The following BAZ1B variants were observed in gnomAD, a reference collection of about 807,000 sequenced individuals.
BAZ1B encodes bromodomain adjacent to zinc finger domain 1B.
A neutral mutation model predicts 153.8 loss-of-function variants in BAZ1B; 22 were observed. That is an observed-to-expected ratio of 0.14 (90% CI 0.10 to 0.20). The LOEUF (loss-of-function observed/expected upper bound fraction) is 0.20, where lower values mean the gene tolerates loss of function less well. BAZ1B is among the 10% of genes least tolerant of loss of function. BAZ1B has a pLI of 1.00. For missense variants in BAZ1B, 1,325 were observed against 1,799.3 expected, an observed-to-expected ratio of 0.74 and a Z score of 4.77; for synonymous variants, 676 against 633.4, an observed-to-expected ratio of 1.07 and a Z score of -1.01.
intron 4 of BAZ1B, among the ~76,000 whole-genome samples, chr7:73,494,385 AAAG>A (rs1425473801): frequency 2.6e-5 from 4 of 152,166 alleles, no homozygotes; most frequent in African/African-American, 9.7e-5. Flanking sequence ...TCTGTCTCAA[AAAG>A]AAGACGAACA....
At chr7:73,465,352 T>TA in intron 11 of BAZ1B, 87 bp downstream of exon 11, 2 of 886,448 alleles carry the variant, frequency 2.3e-6, no homozygotes, top group Non-Finnish European at 3.4e-6. Flanking sequence ...TTTAGTAACT[T>TA]AAATGGATAA....
intron 3 of BAZ1B, among the ~76,000 whole-genome samples, chr7:73,499,484 C>T (rs1554576818): frequency 1.3e-5 from 2 of 152,172 alleles, no homozygotes; most frequent in African/African-American, 4.8e-5. Flanking sequence ...CCATGCCCGG[C>T]CAGACCCAGG....
At chr7:73,508,133 C>T (rs1554578068) in intron 3 of BAZ1B, among the ~76,000 whole-genome samples, 194 bp downstream of exon 3, 1 of 151,988 alleles carries the variant, frequency 6.6e-6, no homozygotes, top group Non-Finnish European at 1.5e-5. Flanking sequence ...CCAGCCTTGG[C>T]GACAGAGTGA....
chr7:73,488,731 C>CA (rs1226604385), intron 6 of BAZ1B, among the ~76,000 whole-genome samples: 2 of 142,576 alleles, frequency 1.4e-5, no homozygotes, highest in African/African-American at 2.6e-5. Context: ...AAAAAAAAAA[C>CA]AAAAAAAACT....
chr7:73,476,988 C>CAAA lies in BAZ1B; in HGVS notation c.2472_2473insTTT (p.Ile824_Val825insPhe). On this transcript the variant is annotated inframe_insertion, in exon 7 of 20. Coordinates refer to ENST00000339594, the MANE Select transcript of BAZ1B (RefSeq NM_032408.4). Reference sequence around the variant, plus strand: ...GTATCTACTTGGGGCTCAAACTTCACAATTTCTTTTTTCCTATCAGTTTTG... The same window carrying CAAA: ...GTATCTACTTGGGGCTCAAACTTCACAAAAATTTCTTTTTTCCTATCAGTTTTG... The CAAA allele has an allele frequency of 6.2e-7, 1 of 1,614,200 alleles. No homozygotes were observed. Among genetic ancestry groups the CAAA allele is most frequent in the Middle Eastern group, 1.7e-4 (1 of 6,060 alleles).
chr7:73,482,315 T>C (rs782804620), intron 6 of BAZ1B, among the ~76,000 whole-genome samples: 3 of 152,154 alleles, frequency 2.0e-5, no homozygotes, highest in Admixed American at 6.6e-5. Context: ...AAAGAGAATA[T>C]GGCAGAGACC....
chr7:73,466,858 C>G (rs1022281806), intron 9 of BAZ1B, among the ~76,000 whole-genome samples: 11 of 152,184 alleles, frequency 7.2e-5, no homozygotes, highest in South Asian at 2.1e-4. Context: ...TGATACGTGA[C>G]TTTAACATAG....
chr7:73,500,937 C>T (rs527885591), intron 3 of BAZ1B, among the ~76,000 whole-genome samples: 1 of 150,114 alleles, frequency 6.7e-6, no homozygotes, highest in East Asian at 2.0e-4. Context: ...CAAAGCAACC[C>T]TTATGATAAA....
At chr7:73,447,712 A>C (rs1554566964) in intron 15 of BAZ1B, among the ~76,000 whole-genome samples, 1 of 152,232 alleles carries the variant, frequency 6.6e-6, no homozygotes, top group African/African-American at 2.4e-5. Context: ...TCACAAAAAG[A>C]GCCAGATAAT....
intron 9 of BAZ1B, among the ~76,000 whole-genome samples, chr7:73,468,489 C>CGTTA (rs1202287701): frequency 6.6e-6 from 1 of 152,004 alleles, no homozygotes; most frequent in East Asian, 1.9e-4. Context: ...CTAACCTAAC[C>CGTTA]ATCTTATTTT....
rs182603918 is a variant in BAZ1B, at chr7:73,463,393, C to T, written c.3072-294G>A. Among the ~76,000 whole-genome samples, 4 of 151,930 alleles carry T rather than the reference C, an allele frequency of 2.6e-5. No homozygotes were observed. The East Asian group carries it at 7.8e-4, about 29-fold the overall frequency. On this transcript the variant is annotated intron_variant, in intron 11 of 19. Transcript: ENST00000339594. ...CAGCTGGGACTACAGGAATACCCCT[C>T]CACACCTGGCTATATTTTTAATTTT... is the stretch of plus-strand genomic sequence containing the variant.
In BAZ1B at chr7:73,477,724, C is replaced by T; in HGVS notation, c.1737G>A (p.Arg579=). 6.2e-7 allele frequency: 1 copy of T among 1,614,184 alleles called. No individual in the cohort carries two copies. The highest frequency in any genetic ancestry group is 8.5e-7 in the Non-Finnish European group (1 of 1,180,040). The change falls in exon 7 of 20, where the codon CGG becomes CGA. Residue 579 remains arginine (R), a synonymous_variant. Coordinates refer to ENST00000339594, the MANE Select transcript of BAZ1B (RefSeq NM_032408.4). The surrounding 1 kb of genome is among the most constrained non-coding windows in gnomAD (Gnocchi z 5.6). ...TGCCAGTTAACTCTTGGTCCTCATA[C>T]CGCTTCTGTTTTTCTAATCTCTCAA... ...EMLERLEKQK[R]YEDQELTGKN...
In BAZ1B at chr7:73,449,685, C is replaced by T. The variant is rs782765984; in HGVS notation, c.3585G>A (p.Glu1195=). ...ARCKVCRKKG[E]DDKLILCDEC... is the part of the protein sequence containing the mutation. ...CATCACACAAGATCAATTTGTCATC[C>T]TCACCTGCAGAGAGATAAATGTGAA... The change falls in exon 15 of 20, where the codon GAG becomes GAA. Residue 1195 remains glutamate, a synonymous_variant. Coordinates refer to ENST00000339594, the MANE Select transcript of BAZ1B (RefSeq NM_032408.4). 4.3e-6 allele frequency: 7 copies of T among 1,613,760 alleles called. No homozygotes were observed. The highest frequency in any genetic ancestry group is 5.9e-6 in the Non-Finnish European group (7 of 1,179,942).
At chr7:73,466,513 C>A in intron 9 of BAZ1B, 112 bp from the exon 10 acceptor site, 1 of 650,080 alleles carries the variant, frequency 1.5e-6, no homozygotes, top group South Asian at 1.9e-5. Context: ...CAGATACTTC[C>A]TGTGAAATAT....
At chr7:73,514,377 C>T (rs2115592312) in intron 1 of BAZ1B, among the ~76,000 whole-genome samples, 2 of 151,984 alleles carry the variant, frequency 1.3e-5, no homozygotes, top group East Asian at 3.9e-4. Flanking sequence ...ACTAAAAATA[C>T]AAAAAATTAG....
At chr7:73,510,947 C>A in intron 1 of BAZ1B, 95 bp from the exon 2 acceptor site, 1 of 1,022,294 alleles carries the variant, frequency 9.8e-7, no homozygotes, top group Non-Finnish European at 1.5e-6. Context: ...ATCTAGTCTC[C>A]TTTTTAAAAT....
intron 3 of BAZ1B, among the ~76,000 whole-genome samples, chr7:73,505,591 A>C (rs2116438133): frequency 6.6e-6 from 1 of 152,234 alleles, no homozygotes; most frequent in East Asian, 1.9e-4. Flanking sequence ...GAACAGTTCA[A>C]GCATGATGGA....
Position 73,469,557 on chromosome 7 carries a change from T to C in BAZ1B, c.2826A>G (p.Lys942=). Residue 942 remains lysine, a synonymous_variant, in exon 9 of 20, where the codon AAA becomes AAG. Transcript: ENST00000339594. ...SIDYRFNHHC[K]DHTVSGDEDY... is the part of the protein sequence containing the mutation. Reference sequence around the variant, plus strand: ...CCTCATCACCAGAGACTGTGTGGTCTTTGCAGTGATGGTTGAATCGGTAGT... The same window carrying C: ...CCTCATCACCAGAGACTGTGTGGTCCTTGCAGTGATGGTTGAATCGGTAGT... The C allele has an allele frequency of 1.2e-6, 2 of 1,614,228 alleles. No homozygotes were observed. The highest frequency in any genetic ancestry group is 1.7e-6 in the Non-Finnish European group (2 of 1,180,034).
In BAZ1B at chr7:73,477,425, G is replaced by A. The variant is rs1563380617; in HGVS notation, c.2036C>T (p.Ser679Leu). The A allele has an allele frequency of 1.2e-6, 2 of 1,614,214 alleles. No homozygotes were observed. The highest frequency in any genetic ancestry group is 1.7e-6 in the Non-Finnish European group (2 of 1,180,038). Residue 679 changes from serine (S) to leucine (L), a missense_variant, in exon 7 of 20, where the codon TCG becomes TTG. Ser to Leu is a moderately radical substitution (Grantham distance 145). Transcript: ENST00000339594. This position sits in a 1 kb window ranked among gnomAD's most constrained non-coding sequence, Gnocchi z 5.6. ...EDYGELGMKL[S>L]EIPLTLHSVS... ...AGAATGCAGAGTCAAGGGGATTTCC[G>A]ACAGCTTCATTCCCAATTCACCATA... is the stretch of plus-strand genomic sequence containing the variant.
Sources: allele counts gnomAD v4.1 joint callset (sites outside exome capture counted in the v4.1 genomes callset), GRCh38; gene constraint gnomAD v4.1.1; non-coding constraint Gnocchi (gnomAD v3.1); transcripts MANE v1.5; gene names NCBI Gene and HGNC (gene_info 2026-07-23, HGNC 2026-07-21).